Variants in GRM1 observed in about 807,000 individuals in gnomAD.
GRM1 encodes metabotropic glutamate receptor 1.
A neutral mutation model predicts 90.9 loss-of-function variants in GRM1; 33 were observed. The observed-to-expected ratio is 0.36, with a 90% confidence interval of 0.28 to 0.49. GRM1 has a LOEUF of 0.49. Among genes scored for constraint, GRM1 ranks in the 20% least tolerant of loss-of-function variants. The probability of loss-of-function intolerance (pLI) is 0.99; values close to 1 mark genes in which losing one functional copy is unlikely to be tolerated. For missense variants in GRM1, 1,190 were observed against 1,534.3 expected, an observed-to-expected ratio of 0.78 and a Z score of 3.75; for synonymous variants, 700 against 613.2, an observed-to-expected ratio of 1.14 and a Z score of -2.09.
At chr6:146,107,402 C>G (rs773170136) in intron 1 of GRM1, among the ~76,000 whole-genome samples, 2 of 150,818 alleles carry the variant, frequency 1.3e-5, no homozygotes, top group South Asian at 4.2e-4. Context: ...GACTTACTTA[C>G]AACGCTTTCA....
At chr6:146,216,000 G>A (rs1779859038) in intron 2 of GRM1, among the ~76,000 whole-genome samples, 1 of 152,118 alleles carries the variant, frequency 6.6e-6, no homozygotes, top group African/African-American at 2.4e-5. Flanking sequence ...CTTATGGTCT[G>A]CCCGCCTCAA....
intron 1 of GRM1, among the ~76,000 whole-genome samples, chr6:146,084,898 T>C (rs1256987212): frequency 6.6e-6 from 1 of 152,164 alleles, no homozygotes; most frequent in Non-Finnish European, 1.5e-5. Context: ...CTCTAAGAAC[T>C]TGCTTTATGA....
At chr6:146,076,304 G>A (rs1004957582) in intron 1 of GRM1, among the ~76,000 whole-genome samples, 3 of 152,156 alleles carry the variant, frequency 2.0e-5, no homozygotes, top group African/African-American at 7.2e-5. Flanking sequence ...GAGCTTTAGG[G>A]ATTTGATTTA....
intron 5 of GRM1, among the ~76,000 whole-genome samples, chr6:146,364,198 T>C (rs984587247): frequency 6.6e-6 from 1 of 152,216 alleles, no homozygotes; most frequent in African/African-American, 2.4e-5. Context: ...TACCTCTAGC[T>C]ATTTATTTTT....
At chr6:146,414,551 C>T (rs1263098913) in intron 7 of GRM1, among the ~76,000 whole-genome samples, 11 of 152,028 alleles carry the variant, frequency 7.2e-5, no homozygotes, top group Admixed American at 2.6e-4. Flanking sequence ...TACAGGCGCC[C>T]GCCACCACGC....
intron 2 of GRM1, among the ~76,000 whole-genome samples, chr6:146,245,163 A>C (rs1271661802): frequency 6.6e-6 from 1 of 152,216 alleles, no homozygotes; most frequent in Admixed American, 6.5e-5. Context: ...ATATAAATTT[A>C]ATTGTATAGA....
intron 2 of GRM1, among the ~76,000 whole-genome samples, chr6:146,251,621 G>C (rs576828405): frequency 6.6e-6 from 1 of 152,324 alleles, no homozygotes; most frequent in East Asian, 1.9e-4. Context: ...TGGCATTTAA[G>C]TAAAGACACC....
intron 2 of GRM1, among the ~76,000 whole-genome samples, chr6:146,201,802 G>T (rs1008284783): frequency 1.3e-5 from 2 of 152,148 alleles, no homozygotes; most frequent in East Asian, 3.8e-4. Context: ...TACATGACTT[G>T]CCTAAAAATC....
intron 2 of GRM1, among the ~76,000 whole-genome samples, chr6:146,253,720 A>G (rs538740142): frequency 2.0e-5 from 3 of 152,300 alleles, no homozygotes; most frequent in Non-Finnish European, 2.9e-5. Context: ...AAGTGAACAG[A>G]AAATTGTTGA....
chr6:146,046,518 G>C (rs1791337115), intron 1 of GRM1, among the ~76,000 whole-genome samples: 1 of 151,908 alleles, frequency 6.6e-6, no homozygotes, highest in Admixed American at 6.6e-5. Flanking sequence ...TCTGCCTACT[G>C]TCTGATTTTC....
chr6:146,174,767 T>C (rs1176794770), intron 2 of GRM1, among the ~76,000 whole-genome samples: 4 of 152,210 alleles, frequency 2.6e-5, no homozygotes. Flanking sequence ...TGACTTTCTG[T>C]GGAGAAAGAC....
intron 2 of GRM1, among the ~76,000 whole-genome samples, chr6:146,252,821 G>C (rs938180430): frequency 1.3e-5 from 2 of 151,946 alleles, no homozygotes; most frequent in South Asian, 2.1e-4. Flanking sequence ...CAGCACTTTG[G>C]GGGGCCGAGG....
chr6:146,322,208 G>T (rs1025545759), intron 3 of GRM1, among the ~76,000 whole-genome samples: 1 of 152,196 alleles, frequency 6.6e-6, no homozygotes, highest in Admixed American at 6.5e-5. Context: ...GACCCTGTTT[G>T]CCTGGGTATT....
intron 5 of GRM1, among the ~76,000 whole-genome samples, chr6:146,360,257 A>G (rs1775416733): frequency 6.6e-6 from 1 of 152,166 alleles, no homozygotes; most frequent in Admixed American, 6.5e-5. Context: ...GAACTTTCTT[A>G]AGATCATTTC....
intron 2 of GRM1, among the ~76,000 whole-genome samples, chr6:146,268,592 A>G (rs2114814331): frequency 6.6e-6 from 1 of 152,328 alleles, no homozygotes; most frequent in Non-Finnish European, 1.5e-5. Context: ...ATTCTGGTGT[A>G]GAGATTTATA....
chr6:146,148,127 G>T (rs927391219), intron 1 of GRM1, among the ~76,000 whole-genome samples: 1 of 152,128 alleles, frequency 6.6e-6, no homozygotes, highest in African/African-American at 2.4e-5. Context: ...GGCATTATGA[G>T]CGGTTCAATT....
intron 2 of GRM1, among the ~76,000 whole-genome samples, chr6:146,276,475 A>T (rs1273754576): frequency 1.3e-5 from 2 of 152,154 alleles, no homozygotes; most frequent in East Asian, 3.8e-4. Context: ...TCCAGTTGTT[A>T]TTATAGAACA....
At chr6:146,413,789 T>C (rs928984624) in intron 7 of GRM1, among the ~76,000 whole-genome samples, 3 of 152,220 alleles carry the variant, frequency 2.0e-5, no homozygotes, top group Non-Finnish European at 2.9e-5. Flanking sequence ...TAATCTTGCC[T>C]GTTCTTGAAC....
intron 1 of GRM1, among the ~76,000 whole-genome samples, chr6:146,067,866 T>G (rs1238660296): frequency 6.6e-6 from 1 of 152,210 alleles, no homozygotes; most frequent in African/African-American, 2.4e-5. Flanking sequence ...TATTGTGACG[T>G]GATAAAATGA....
Sources: allele counts gnomAD v4.1 joint callset (sites outside exome capture counted in the v4.1 genomes callset), GRCh38; gene constraint gnomAD v4.1.1; transcripts MANE v1.5; gene names NCBI Gene and HGNC (gene_info 2026-07-23, HGNC 2026-07-21).